Variants in MGAT4A observed in about 807,000 individuals in gnomAD.
MGAT4A encodes the protein alpha-1,3-mannosyl-glycoprotein 4-beta-N-acetylglucosaminyltransferase A, also known as N-acetylglucosaminyltransferase IVa.
MGAT4A carries 33 observed loss-of-function variants against 74.1 expected under a neutral mutation model. That is an observed-to-expected ratio of 0.45 (90% CI 0.34 to 0.60). The LOEUF (loss-of-function observed/expected upper bound fraction) is 0.60. Ranked by LOEUF, MGAT4A falls within the 20% of genes least tolerant of loss-of-function variation. The pLI is 0.02. For synonymous variants in MGAT4A, 198 were observed against 210.4 expected (o/e 0.94, Z 0.51); for missense variants, 479 against 628.3 (o/e 0.76, Z 2.54).
At chr2:98,663,266 CAAATT>C in intron 4 of MGAT4A, 87 bp from the exon 5 acceptor site, 2 of 1,530,752 alleles carry the variant, frequency 1.3e-6, no homozygotes, top group Non-Finnish European at 1.8e-6. Flanking sequence ...TATACCCTCT[CAAATT>C]GATAGGAATA....
chr2:98,697,033 T>G (rs2104309156), intron 2 of MGAT4A, among the ~76,000 whole-genome samples: 1 of 152,336 alleles, frequency 6.6e-6, no homozygotes, highest in African/African-American at 2.4e-5. Context: ...TCATGGGCCA[T>G]CTCTTCCTCA....
intron 2 of MGAT4A, among the ~76,000 whole-genome samples, chr2:98,685,213 G>A (rs574541435): frequency 4.4e-4 from 66 of 150,702 alleles, no homozygotes; most frequent in South Asian, 1.0e-3. Flanking sequence ...CTGCAGCCTG[G>A]GTGATAGAGC....
At chr2:98,705,670 G>A (rs1415414549) in intron 2 of MGAT4A, among the ~76,000 whole-genome samples, 5 of 152,164 alleles carry the variant, frequency 3.3e-5, no homozygotes, top group African/African-American at 9.7e-5. Flanking sequence ...CAGGCCGGGC[G>A]CGGTGGCTCA....
intron 2 of MGAT4A, among the ~76,000 whole-genome samples, chr2:98,706,369 G>GTTTTAT (rs746522524): frequency 1.3e-5 from 2 of 151,932 alleles, no homozygotes; most frequent in Admixed American, 6.6e-5. Flanking sequence ...AATGATGTGA[G>GTTTTAT]TTTTATTTTT....
chr2:98,712,775 A>C (rs1228064417), intron 2 of MGAT4A, among the ~76,000 whole-genome samples: 1 of 152,242 alleles, frequency 6.6e-6, no homozygotes, highest in African/African-American at 2.4e-5. Flanking sequence ...TTTAAGCTGG[A>C]AACAAACTTT....
At chr2:98,680,200 C>A (rs1702041199) in intron 2 of MGAT4A, among the ~76,000 whole-genome samples, 1 of 152,128 alleles carries the variant, frequency 6.6e-6, no homozygotes, top group Non-Finnish European at 1.5e-5. Context: ...CGCGCCACCA[C>A]ACCCAGATAC....
chr2:98,634,941 A>C (rs1701296103), intron 14 of MGAT4A, among the ~76,000 whole-genome samples: 1 of 151,944 alleles, frequency 6.6e-6, no homozygotes, highest in Non-Finnish European at 1.5e-5. Flanking sequence ...AGAGGAGCTA[A>C]ACCCATCCAG....
intron 2 of MGAT4A, among the ~76,000 whole-genome samples, chr2:98,717,749 G>GTAAA (rs1442469219): frequency 2.0e-5 from 3 of 152,210 alleles, no homozygotes; most frequent in Non-Finnish European, 4.4e-5. Context: ...CTGTTCTGCA[G>GTAAA]CTCTCTCCTC....
intron 2 of MGAT4A, among the ~76,000 whole-genome samples, chr2:98,698,927 G>C (rs1420697602): frequency 6.6e-6 from 1 of 152,056 alleles, no homozygotes; most frequent in African/African-American, 2.4e-5. Flanking sequence ...AACACAAACT[G>C]TACTATAATT....
chr2:98,729,261 A>G (rs1702809021), intron 1 of MGAT4A, among the ~76,000 whole-genome samples: 1 of 152,224 alleles, frequency 6.6e-6, no homozygotes, highest in South Asian at 2.1e-4. Flanking sequence ...TTTTGCAAGA[A>G]AAATATGCGT....
intron 2 of MGAT4A, among the ~76,000 whole-genome samples, chr2:98,703,299 C>A (rs995434558): frequency 1.3e-5 from 2 of 151,962 alleles, no homozygotes; most frequent in African/African-American, 4.8e-5. Flanking sequence ...GGCAGAAGAA[C>A]AGAAGAATCA....
Position 98,623,767 on chromosome 2 carries a change from C to T in MGAT4A, c.*1799G>A. The T allele has an allele frequency of 2.0e-6, 2 of 985,416 alleles. No individual in the cohort carries two copies. Among genetic ancestry groups the T allele is most frequent in the South Asian group, 9.4e-5 (2 of 21,280 alleles). 61.0% of individuals were successfully genotyped at this position (985,416 alleles called of 1,614,324 possible). On this transcript the variant is annotated 3_prime_UTR_variant, in exon 16 of 16. Transcript: ENST00000393487. Reference sequence around the variant, plus strand: ...CTGTATCAGTGTTTCCAAACGTTTGCACTTTGTAACACAGCACAGGAAATG... The same window carrying T: ...CTGTATCAGTGTTTCCAAACGTTTGTACTTTGTAACACAGCACAGGAAATG...
At chr2:98,680,708 C>A (rs1702047396) in intron 2 of MGAT4A, among the ~76,000 whole-genome samples, 1 of 152,132 alleles carries the variant, frequency 6.6e-6, no homozygotes, top group African/African-American at 2.4e-5. Flanking sequence ...CTGGGTGTCA[C>A]TCATGGTTTA....
At chr2:98,645,757 A>G (rs1029600978) in intron 8 of MGAT4A, among the ~76,000 whole-genome samples, 3 of 152,242 alleles carry the variant, frequency 2.0e-5, no homozygotes, top group Admixed American at 2.0e-4. Flanking sequence ...ACTCCTTTCT[A>G]TGGGAAATAA....
chr2:98,719,923 AGGC>A (rs1702643500), intron 2 of MGAT4A, among the ~76,000 whole-genome samples: 5 of 152,266 alleles, frequency 3.3e-5, no homozygotes, highest in Admixed American at 2.6e-4. Flanking sequence ...CTGGGATTAC[AGGC>A]ATGAGCCACC....
At position 98,670,147 on chromosome 2, in the gene MGAT4A, T is replaced by C. The variant is rs189258251; in HGVS notation, c.403+4888A>G. Among the ~76,000 whole-genome samples the C allele has an allele frequency of 2.2e-3, 329 of 152,270 alleles. 4 individuals carry two copies. The highest frequency in any genetic ancestry group is 1.2e-3 in the Non-Finnish European group (79 of 68,010). Reference sequence around the variant, plus strand: ...ACTGAGTTAGAGTTAAGAAGAAATATGTCAGCAAAGTGAAGAATATGGTCA... The same window carrying C: ...ACTGAGTTAGAGTTAAGAAGAAATACGTCAGCAAAGTGAAGAATATGGTCA... On this transcript the variant is annotated intron_variant, in intron 4 of 15. Coordinates refer to ENST00000393487, the MANE Select transcript of MGAT4A (RefSeq NM_012214.3).
chr2:98,687,808 A>G (rs1459065086), intron 2 of MGAT4A, among the ~76,000 whole-genome samples: 2 of 152,124 alleles, frequency 1.3e-5, no homozygotes, highest in Non-Finnish European at 2.9e-5. Flanking sequence ...CACCATTTCC[A>G]ACACCGGCTA....
chr2:98,633,684 A>G (rs2104222716), intron 14 of MGAT4A, among the ~76,000 whole-genome samples: 1 of 152,348 alleles, frequency 6.6e-6, no homozygotes, highest in East Asian at 1.9e-4. Flanking sequence ...TCTCATTCTA[A>G]GAACATATGA....
chr2:98,725,283 A>G (rs1702745279), intron 2 of MGAT4A, among the ~76,000 whole-genome samples: 1 of 152,240 alleles, frequency 6.6e-6, no homozygotes. Flanking sequence ...CTCAAAGCAC[A>G]GAGCATGTTT....
Sources: gnomAD v4.1 joint callset for allele counts (sites outside exome capture counted in the v4.1 genomes callset) on GRCh38, gnomAD v4.1.1 for gene constraint, MANE v1.5 for transcripts, NCBI Gene and HGNC (gene_info 2026-07-23, HGNC 2026-07-21) for gene names.